The following VPS50 variants were observed in gnomAD, a reference collection of about 807,000 sequenced individuals.
VPS50 encodes the protein VPS50 subunit of EARP/GARPII complex.
A neutral mutation model predicts 139.7 loss-of-function variants in VPS50; 70 were observed. That is an observed-to-expected ratio of 0.50 (90% CI 0.41 to 0.61). The LOEUF is 0.61. Ranked by LOEUF, VPS50 falls within the 20% of genes least tolerant of loss-of-function variation. The probability of loss-of-function intolerance (pLI) is 0.00; values close to 1 mark genes in which losing one functional copy is unlikely to be tolerated. For synonymous variants in VPS50, 365 were observed against 376.7 expected (o/e 0.97, Z 0.36); for missense variants, 921 against 1,133.7 (o/e 0.81, Z 2.69).
At chr7:93,336,509 C>G (rs1798073606) in intron 22 of VPS50, among the ~76,000 whole-genome samples, 1 of 152,080 alleles carries the variant, frequency 6.6e-6, no homozygotes, top group Admixed American at 6.6e-5. Flanking sequence ...AGACCTTTAG[C>G]CAACTTATTT....
At chr7:93,311,310 A>G in intron 20 of VPS50, 38 bp downstream of exon 20, 1 of 857,400 alleles carries the variant, frequency 1.2e-6, no homozygotes, top group South Asian at 1.3e-5. Context: ...TATAACAGTT[A>G]AATTAGTTTG....
intron 22 of VPS50, among the ~76,000 whole-genome samples, chr7:93,336,674 C>T (rs774819073): frequency 3.0e-4 from 45 of 151,974 alleles, no homozygotes; most frequent in Admixed American, 2.7e-3. Context: ...CCACCACGCC[C>T]GGCTAGTTTT....
chr7:93,327,768 AAAAT>A (rs1405424093), intron 21 of VPS50, among the ~76,000 whole-genome samples: 2 of 152,178 alleles, frequency 1.3e-5, no homozygotes, highest in African/African-American at 4.8e-5. Context: ...CATACTCATA[AAAAT>A]AAATAAATAC....
intron 9 of VPS50, among the ~76,000 whole-genome samples, chr7:93,266,951 T>C (rs1795860943): frequency 1.3e-5 from 2 of 152,226 alleles, no homozygotes; most frequent in Admixed American, 6.5e-5. Context: ...ATTTTTATGT[T>C]TGTAGTCTTC....
At chr7:93,338,601 T>G (rs1435931219) in intron 22 of VPS50, among the ~76,000 whole-genome samples, 1 of 152,182 alleles carries the variant, frequency 6.6e-6, no homozygotes, top group East Asian at 1.9e-4. Flanking sequence ...CAAAACTCCC[T>G]ACCCATGTAG....
chr7:93,334,995 A>G (rs1242556006), intron 22 of VPS50, among the ~76,000 whole-genome samples: 3 of 152,128 alleles, frequency 2.0e-5, no homozygotes, highest in Non-Finnish European at 4.4e-5. Context: ...CATAAGCTCT[A>G]TATTATGTGC....
At chr7:93,285,150 A>G (rs1796445749) in intron 12 of VPS50, among the ~76,000 whole-genome samples, 1 of 152,054 alleles carries the variant, frequency 6.6e-6, no homozygotes, top group African/African-American at 2.4e-5. Flanking sequence ...GATACTGATA[A>G]CCAACCCTTT....
At chr7:93,348,328 A>C (rs1584494952) in intron 23 of VPS50, among the ~76,000 whole-genome samples, 1 of 152,224 alleles carries the variant, frequency 6.6e-6, no homozygotes, top group East Asian at 1.9e-4. Context: ...CTGAGATTTC[A>C]AGAGTCTGTT....
At chr7:93,318,671 AC>A (rs1195650948) in intron 20 of VPS50, among the ~76,000 whole-genome samples, 2 of 152,146 alleles carry the variant, frequency 1.3e-5, no homozygotes, top group African/African-American at 4.8e-5. Context: ...TTTTGTAGGA[AC>A]CCAATAGATG....
intron 12 of VPS50, among the ~76,000 whole-genome samples, chr7:93,281,583 TTTTCTGTTTTCCG>T (rs1257619999): frequency 1.1e-4 from 16 of 152,176 alleles, no homozygotes; most frequent in African/African-American, 3.9e-4. Flanking sequence ...TCCTTACCCT[TTTTCTGTTTTCCG>T]ACTTCTTAAA....
chr7:93,348,653 T>A (rs1798471107), intron 23 of VPS50, 58 bp from the exon 24 acceptor site: 5 of 1,095,918 alleles, frequency 4.6e-6, no homozygotes, highest in Non-Finnish European at 6.9e-6. Flanking sequence ...TACGAAAGCA[T>A]GACAGGCTCT....
intron 14 of VPS50, among the ~76,000 whole-genome samples, chr7:93,296,282 AAT>A (rs1433040290): frequency 6.6e-6 from 1 of 152,136 alleles, no homozygotes; most frequent in East Asian, 1.9e-4. Flanking sequence ...ATTAAAATTA[AAT>A]ATTTAATTTA....
chr7:93,275,217 G>GTT (rs1270168252), intron 11 of VPS50, among the ~76,000 whole-genome samples: 1 of 152,100 alleles, frequency 6.6e-6, no homozygotes, highest in African/African-American at 2.4e-5. Context: ...AAATAATTTG[G>GTT]GATATTACAT....
chr7:93,280,388 G>GC (rs1796288977), intron 12 of VPS50, among the ~76,000 whole-genome samples: 1 of 152,092 alleles, frequency 6.6e-6, no homozygotes, highest in African/African-American at 2.4e-5. Flanking sequence ...CTAAAACTTA[G>GC]CAGCAAGATT....
intron 27 of VPS50, among the ~76,000 whole-genome samples, chr7:93,357,477 T>C (rs994927842): frequency 1.3e-5 from 2 of 152,172 alleles, no homozygotes; most frequent in African/African-American, 4.8e-5. Context: ...TTAAATGAGA[T>C]TACTTACCAG....
intron 5 of VPS50, 66 bp downstream of exon 5, chr7:93,256,628 CTG>C: frequency 1.2e-6 from 1 of 828,848 alleles, no homozygotes; most frequent in Non-Finnish European, 1.9e-6. Flanking sequence ...ACACTTGAAA[CTG>C]TTAAAATATT....
chr7:93,295,749 G>C (rs1272526303), intron 14 of VPS50, among the ~76,000 whole-genome samples: 2 of 151,634 alleles, frequency 1.3e-5, no homozygotes, highest in Non-Finnish European at 2.9e-5. Context: ...GATTGAGACA[G>C]GGTCTCACTC....
intron 18 of VPS50, among the ~76,000 whole-genome samples, 163 bp downstream of exon 18, chr7:93,306,167 A>G (rs1797111239): frequency 6.6e-6 from 1 of 151,882 alleles, no homozygotes; most frequent in Admixed American, 6.6e-5. Context: ...TGACTTTACA[A>G]TATGCTTTGT....
At chr7:93,277,855 ACTTT>A (rs1008501924) in intron 12 of VPS50, among the ~76,000 whole-genome samples, 11 of 151,976 alleles carry the variant, frequency 7.2e-5, no homozygotes, top group African/African-American at 2.7e-4. Flanking sequence ...ATATGTTCTT[ACTTT>A]GATAGTATAT....
Sources: gnomAD v4.1 joint callset for allele counts (sites outside exome capture counted in the v4.1 genomes callset) on GRCh38, gnomAD v4.1.1 for gene constraint, MANE v1.5 for transcripts, NCBI Gene and HGNC (gene_info 2026-07-23, HGNC 2026-07-21) for gene names.